SLC22A15: variants seen among roughly 807,000 people sequenced by gnomAD.
The protein encoded by SLC22A15 is flipt 1.
In SLC22A15, 45 loss-of-function variants were observed where a neutral mutation model predicts 62.7. The ratio of observed to expected loss-of-function variants is 0.72; its 90% CI spans 0.56 to 0.92. The LOEUF (loss-of-function observed/expected upper bound fraction) is 0.92. Ranked by LOEUF, SLC22A15 falls within the 40% of genes least tolerant of loss-of-function variation. The probability of loss-of-function intolerance (pLI) is 0.00; values close to 1 mark genes in which losing one functional copy is unlikely to be tolerated. For synonymous variants in SLC22A15, 264 were observed against 267.0 expected, an observed-to-expected ratio of 0.99 and a Z score of 0.11; for missense variants, 622 against 665.6, an observed-to-expected ratio of 0.93 and a Z score of 0.72.
At chr1:116,046,829 A>C (rs1479956021) in intron 8 of SLC22A15, among the ~76,000 whole-genome samples, 1 of 152,178 alleles carries the variant, frequency 6.6e-6, no homozygotes. Context: ...AGCTGAGTCA[A>C]TTAAGACAGC....
intron 2 of SLC22A15, among the ~76,000 whole-genome samples, chr1:115,992,529 A>G (rs1655201825): frequency 6.6e-6 from 1 of 152,212 alleles, no homozygotes; most frequent in Non-Finnish European, 1.5e-5. Flanking sequence ...TAAAAAGTGA[A>G]TTAAAACTTT....
chr1:116,006,685 A>G (rs558334315), intron 2 of SLC22A15, among the ~76,000 whole-genome samples: 1 of 144,882 alleles, frequency 6.9e-6, no homozygotes, highest in Admixed American at 6.8e-5. Flanking sequence ...TCTTCTCCCC[A>G]CCTTCTGTCC....
intron 2 of SLC22A15, among the ~76,000 whole-genome samples, chr1:116,016,621 G>A (rs897768653): frequency 3.3e-5 from 5 of 152,026 alleles, no homozygotes; most frequent in Non-Finnish European, 7.4e-5. Context: ...TTTTATATGC[G>A]TGCTCTGTCT....
intron 8 of SLC22A15, among the ~76,000 whole-genome samples, chr1:116,041,275 A>T (rs1008419719): frequency 6.6e-6 from 1 of 152,204 alleles, no homozygotes; most frequent in African/African-American, 2.4e-5. Flanking sequence ...TACTATTCAT[A>T]AACAAAATCT....
intron 1 of SLC22A15, among the ~76,000 whole-genome samples, chr1:115,979,765 T>C (rs2101043886): frequency 6.6e-6 from 1 of 152,246 alleles, no homozygotes; most frequent in Non-Finnish European, 1.5e-5. Context: ...GCAATGAAAA[T>C]GGACGTTACT....
chr1:116,053,099 C>T (rs1241492669), intron 8 of SLC22A15, among the ~76,000 whole-genome samples: 2 of 152,164 alleles, frequency 1.3e-5, no homozygotes, highest in Admixed American at 6.5e-5. Flanking sequence ...GACGATCAAA[C>T]TACTCTGAGC....
At chr1:115,990,155 C>T (rs1284936768) in intron 1 of SLC22A15, among the ~76,000 whole-genome samples, 1 of 152,162 alleles carries the variant, frequency 6.6e-6, no homozygotes, top group Non-Finnish European at 1.5e-5. Context: ...AGGAAGTCTT[C>T]ATGGAGGAGG....
intron 10 of SLC22A15, among the ~76,000 whole-genome samples, chr1:116,066,119 G>A (rs748374435): frequency 2.4e-4 from 36 of 152,160 alleles, no homozygotes; most frequent in Non-Finnish European, 1.2e-4. Context: ...TTCATCATCA[G>A]CAAGTATTTT....
chr1:116,040,571 A>G (rs1461949341), intron 8 of SLC22A15, among the ~76,000 whole-genome samples: 1 of 152,204 alleles, frequency 6.6e-6, no homozygotes, highest in Non-Finnish European at 1.5e-5. Context: ...CTCTAAAGTC[A>G]GTCCTCTTTT....
chr1:116,037,297 G>A lies in SLC22A15; in HGVS notation c.1086-6G>A. 1 of 1,611,042 alleles carries A rather than the reference G, an allele frequency of 6.2e-7. No homozygotes were observed. The highest frequency in any genetic ancestry group is 8.5e-7 in the Non-Finnish European group (1 of 1,177,364). On this transcript the variant is annotated splice_region_variant and splice_polypyrimidine_tract_variant and intron_variant, in intron 7 of 11. Coordinates refer to ENST00000369503, the MANE Select transcript of SLC22A15 (RefSeq NM_018420.3). ...GAGAACTGTGTAATTTCTTTCTATTGTTTAGGTTTGGTCGGAAGCGAACAT... is the reference window on the plus strand; with the variant it reads ...GAGAACTGTGTAATTTCTTTCTATTATTTAGGTTTGGTCGGAAGCGAACAT...
At chr1:116,026,797 A>T (rs939965441) in intron 4 of SLC22A15, 96 bp from the exon 5 acceptor site, 4 of 1,487,294 alleles carry the variant, frequency 2.7e-6, no homozygotes, top group Non-Finnish European at 3.7e-6. Context: ...TAGGGCTGAC[A>T]TCTCACCAGG....
At chr1:116,001,987 T>C (rs1049453813) in intron 2 of SLC22A15, among the ~76,000 whole-genome samples, 1 of 152,184 alleles carries the variant, frequency 6.6e-6, no homozygotes, top group African/African-American at 2.4e-5. Flanking sequence ...GAGAAGGCTT[T>C]CAAAATATTC....
At chr1:116,064,919 T>C (rs558969990) in intron 10 of SLC22A15, among the ~76,000 whole-genome samples, 52 of 152,300 alleles carry the variant, frequency 3.4e-4, no homozygotes, top group Non-Finnish European at 5.7e-4. Flanking sequence ...ATATGAGACA[T>C]GCTACAGAGA....
At chr1:115,995,738 T>C (rs575725353) in intron 2 of SLC22A15, among the ~76,000 whole-genome samples, 6 of 152,252 alleles carry the variant, frequency 3.9e-5, no homozygotes, top group Non-Finnish European at 7.3e-5. Context: ...TTGTAATTTA[T>C]TACAGCTCTG....
chr1:115,993,426 A>AGTGTGTGT (rs1553216968), intron 2 of SLC22A15, among the ~76,000 whole-genome samples: 56 of 123,128 alleles, frequency 4.5e-4, no homozygotes, highest in African/African-American at 2.2e-3. Context: ...TGAGTGTGTG[A>AGTGTGTGT]GAGTGTGTGT....
At chr1:115,994,811 T>C (rs1655338595) in intron 2 of SLC22A15, among the ~76,000 whole-genome samples, 1 of 152,214 alleles carries the variant, frequency 6.6e-6, no homozygotes, top group South Asian at 2.1e-4. Flanking sequence ...ATTGATACTA[T>C]AGTTTTATTT....
At chr1:116,001,579 C>T (rs1655732491) in intron 2 of SLC22A15, among the ~76,000 whole-genome samples, 1 of 151,958 alleles carries the variant, frequency 6.6e-6, no homozygotes, top group Non-Finnish European at 1.5e-5. Flanking sequence ...TTTAAGCGCT[C>T]ATTAATTCTT....
chr1:115,983,847 A>T (rs995739996), intron 1 of SLC22A15, among the ~76,000 whole-genome samples: 1 of 152,194 alleles, frequency 6.6e-6, no homozygotes, highest in Non-Finnish European at 1.5e-5. Context: ...TATGTGAGGC[A>T]CTAAGGCACC....
intron 8 of SLC22A15, among the ~76,000 whole-genome samples, chr1:116,058,174 AC>A (rs1255336995): frequency 6.6e-6 from 1 of 152,162 alleles, no homozygotes; most frequent in Non-Finnish European, 1.5e-5. Flanking sequence ...AGCAGAGTAA[AC>A]AGACAACCCA....
Sources: gnomAD v4.1 joint callset for allele counts (sites outside exome capture counted in the v4.1 genomes callset) on GRCh38, gnomAD v4.1.1 for gene constraint, MANE v1.5 for transcripts, NCBI Gene and HGNC (gene_info 2026-07-23, HGNC 2026-07-21) for gene names.